The following NECTIN4 variants were observed in gnomAD, a reference collection of about 807,000 sequenced individuals.
NECTIN4 encodes nectin cell adhesion molecule 4.
Under a neutral mutation model 51.7 loss-of-function variants are expected in NECTIN4, and 19 were observed. The observed-to-expected ratio is 0.37, with a 90% CI of 0.26 to 0.54. NECTIN4 has a LOEUF of 0.54. Ranked by LOEUF, NECTIN4 falls within the 20% of genes least tolerant of loss-of-function variation. The pLI, the probability that NECTIN4 is intolerant of heterozygous loss-of-function variation, is 0.86. For missense variants in NECTIN4, 619 were observed against 662.4 expected, an observed-to-expected ratio of 0.93 and a Z score of 0.72; for synonymous variants, 283 against 286.9, an observed-to-expected ratio of 0.99 and a Z score of 0.14.
Position 161,089,159 on chromosome 1 carries a change from T to G in NECTIN4, c.79+59A>C. On this transcript the variant is annotated intron_variant, in intron 1 of 8. Coordinates refer to ENST00000368012, the MANE Select transcript of NECTIN4 (RefSeq NM_030916.3). The surrounding 1 kb of genome is among the most constrained non-coding windows in gnomAD (Gnocchi z 4.1). ...GTGTGTGTCTATGTGTTTGTGCATGTGTGTCAGTGCCAGGTTGGGCTCAGA... is the reference window on the plus strand; with the variant it reads ...GTGTGTGTCTATGTGTTTGTGCATGGGTGTCAGTGCCAGGTTGGGCTCAGA... 2 of 1,457,044 alleles carry G rather than the reference T, an allele frequency of 1.4e-6. No homozygotes were observed. The highest frequency in any genetic ancestry group is 1.9e-6 in the Non-Finnish European group (2 of 1,038,654). 90.3% of individuals were successfully genotyped at this position (1,457,044 alleles called of 1,614,324 possible). A position where few individuals can be genotyped will look rare whatever the true frequency, so the allele number is the denominator to read the frequency against.
intron 1 of NECTIN4, among the ~76,000 whole-genome samples, chr1:161,083,147 G>A (rs149024125): frequency 1.3e-5 from 2 of 152,224 alleles, no homozygotes; most frequent in Middle Eastern, 3.4e-3. Flanking sequence ...TTCACAGACC[G>A]AGGAACCCAG....
At position 161,084,133 on chromosome 1, in the gene NECTIN4, T is replaced by C. The variant is rs1653820291; in HGVS notation, c.80-4184A>G. ...CTGTGGCTGAGGGCCTGGCCAATCT[T>C]AGTGCTGGTTCAAACGCATGTGAGG... On this transcript the variant is annotated intron_variant, in intron 1 of 8. Coordinates refer to ENST00000368012, the MANE Select transcript of NECTIN4 (RefSeq NM_030916.3). Among the ~76,000 whole-genome samples, 3 of 152,186 alleles carry C rather than the reference T, an allele frequency of 2.0e-5. No homozygotes were observed. In the South Asian group the frequency reaches 6.2e-4, roughly 32 times the overall value.
intron 4 of NECTIN4, among the ~76,000 whole-genome samples, chr1:161,075,489 G>A (rs1653377247): frequency 6.6e-6 from 1 of 152,190 alleles, no homozygotes; most frequent in African/African-American, 2.4e-5. Flanking sequence ...AGTTAGACAA[G>A]GCCGGGCATG....
At chr1:161,088,363 A>G (rs915510866) in intron 1 of NECTIN4, among the ~76,000 whole-genome samples, 1 of 152,166 alleles carries the variant, frequency 6.6e-6, no homozygotes, top group East Asian at 1.9e-4. Context: ...ATGGAATCCC[A>G]CTGAGGTCTC....
chr1:161,077,413 A>T (rs1399594775), intron 3 of NECTIN4, 40 bp downstream of exon 3: 2 of 1,611,466 alleles, frequency 1.2e-6, no homozygotes, highest in Non-Finnish European at 1.7e-6. Context: ...ATCTGCTGAG[A>T]ACCCCTTGGG....
chr1:161,077,543 G>A lies in NECTIN4; in HGVS notation c.640C>T (p.Arg214Cys), dbSNP rs930708822. 3.7e-6 allele frequency: 6 copies of A among 1,613,938 alleles called. No homozygotes were observed. Among genetic ancestry groups the A allele is most frequent in the South Asian group, 1.1e-5 (1 of 91,086 alleles). ...GTCAGTGGCTGCCCATTCATGCTGCGGCTAGGCACCAAGTGGAACTCTGAG... is the reference window on the plus strand; with the variant it reads ...GTCAGTGGCTGCCCATTCATGCTGCAGCTAGGCACCAAGTGGAACTCTGAG... ...VTSEFHLVPS[R>C]SMNGQPLTCV... The change falls in exon 3 of 9, where the codon CGC becomes TGC. Residue 214 changes from arginine (R) to cysteine (C), a missense_variant. Transcript: ENST00000368012.
At chr1:161,086,193 G>A (rs1361613231) in intron 1 of NECTIN4, among the ~76,000 whole-genome samples, 1 of 152,136 alleles carries the variant, frequency 6.6e-6, no homozygotes, top group Non-Finnish European at 1.5e-5. Context: ...TTGCCTAGAG[G>A]ACCCCCAGAT....
intron 1 of NECTIN4, among the ~76,000 whole-genome samples, chr1:161,083,564 T>G (rs754452647): frequency 6.8e-4 from 104 of 152,328 alleles, no homozygotes; most frequent in Non-Finnish European, 4.7e-4. Flanking sequence ...GGACTCCGGC[T>G]GGTTAGACAC....
chr1:161,084,777 C>T (rs1415009766), intron 1 of NECTIN4: 1 of 152,238 alleles, frequency 6.6e-6, no homozygotes, highest in Non-Finnish European at 1.5e-5. Context: ...CTGCTGCTGC[C>T]ACCACCAGAA....
In NECTIN4 at chr1:161,073,721, TG is replaced by T. The variant is rs1653289285; in HGVS notation, c.1231del (p.Gln411SerfsTer6). ...LHSHHTDPRS[Q>X]PEESVGLRAE... ...CATACACCCAACCTTGGCACACACC[TG>T]GCTCCTGGGGTCCGTGTGATGGGAA... On this transcript the variant is annotated frameshift_variant and splice_region_variant, in exon 7 of 9. Coordinates refer to ENST00000368012, the MANE Select transcript of NECTIN4 (RefSeq NM_030916.3). LOFTEE classifies it high-confidence loss of function. 1.9e-6 allele frequency: 3 copies of T among 1,613,924 alleles called. No homozygotes were observed. Among genetic ancestry groups the T allele is most frequent in the Non-Finnish European group, 2.5e-6 (3 of 1,179,810 alleles).
Position 161,072,553 on chromosome 1 carries a change from G to A in NECTIN4, c.*108C>T, listed in dbSNP as rs539591539. 4 of 911,390 alleles carry A rather than the reference G, an allele frequency of 4.4e-6. No homozygotes were observed. The highest frequency in any genetic ancestry group is 7.2e-6 in the Non-Finnish European group (4 of 552,918). 56.5% of individuals were successfully genotyped at this position (911,390 alleles called of 1,614,324 possible). ...AAGGTCAAGCAGTCAGTGGGATGGG[G>A]AGCATCTTCCGCAAGAAATGGGGGT... On this transcript the variant is annotated 3_prime_UTR_variant, in exon 9 of 9. Transcript: ENST00000368012.
At chr1:161,074,139 C>G in intron 6 of NECTIN4, 78 bp downstream of exon 6, 1 of 1,578,786 alleles carries the variant, frequency 6.3e-7, no homozygotes, top group Non-Finnish European at 8.7e-7. Context: ...CCAGTCTCCT[C>G]GGTCCTGGCC....
chr1:161,081,958 T>A (rs1259841129), intron 1 of NECTIN4, among the ~76,000 whole-genome samples: 1 of 152,130 alleles, frequency 6.6e-6, no homozygotes, highest in Non-Finnish European at 1.5e-5. Flanking sequence ...GTATGTGGGT[T>A]CCGTCAACAT....
chr1:161,086,245 C>T (rs890261486), intron 1 of NECTIN4, among the ~76,000 whole-genome samples: 5 of 152,160 alleles, frequency 3.3e-5, no homozygotes, highest in African/African-American at 9.7e-5. Context: ...GAACTCTAAC[C>T]TCCTCATCTC....
chr1:161,087,201 G>A (rs1287209554), intron 1 of NECTIN4: 2 of 152,200 alleles, frequency 1.3e-5, no homozygotes, highest in Admixed American at 1.3e-4. Flanking sequence ...GAATGGGGGT[G>A]GTAGTGGAGG....
Position 161,076,365 on chromosome 1 carries a change from T to G in NECTIN4, c.841A>C (p.Asn281His), listed in dbSNP as rs1351414494. Residue 281 changes from asparagine to histidine, a missense_variant, in exon 4 of 9, where the codon AAC becomes CAC. By Grantham distance (68) the Asn-to-His change is moderately conservative. This residue lies in a region of NECTIN4 where 364 missense variants were observed against 415.7 expected (regional missense o/e 0.88). Coordinates refer to ENST00000368012, the MANE Select transcript of NECTIN4 (RefSeq NM_030916.3). The part of the protein sequence containing the change: ...LSEGQPPPSY[N>H]WTRLDGPLPS... ...GGCTCGGGCCCTTACCGTGTCCAGT[T>G]GTATGAGGGAGGGGGCTGCCCTTCA... The G allele has an allele frequency of 6.2e-7, 1 of 1,614,150 alleles. No homozygotes were observed. Among genetic ancestry groups the G allele is most frequent in the South Asian group, 1.1e-5 (1 of 91,078 alleles).
intron 2 of NECTIN4, among the ~76,000 whole-genome samples, chr1:161,079,140 A>G (rs1416180932): frequency 6.6e-6 from 1 of 152,246 alleles, no homozygotes; most frequent in Non-Finnish European, 1.5e-5. Flanking sequence ...CAGGACCCAC[A>G]TTGTAAAAAA....
intron 1 of NECTIN4, among the ~76,000 whole-genome samples, chr1:161,084,065 G>A (rs988933960): frequency 2.0e-5 from 3 of 152,256 alleles, no homozygotes; most frequent in African/African-American, 7.2e-5. Flanking sequence ...GGGTCTGTGA[G>A]AAGGAGGAAG....
chr1:161,081,067 G>A (rs1263038354), intron 1 of NECTIN4, among the ~76,000 whole-genome samples: 2 of 152,160 alleles, frequency 1.3e-5, no homozygotes, highest in South Asian at 2.1e-4. Flanking sequence ...CAGGAACCAC[G>A]GTGAGCAAAC....
Sources: gnomAD v4.1 joint callset for allele counts (sites outside exome capture counted in the v4.1 genomes callset) on GRCh38, gnomAD v4.1.1 for gene constraint, gnomAD v4.1.1 regional missense constraint, Gnocchi (gnomAD v3.1) non-coding constraint, MANE v1.5 for transcripts, NCBI Gene and HGNC (gene_info 2026-07-23, HGNC 2026-07-21) for gene names.